The following DNAH11 variants were observed in gnomAD, a reference collection of about 807,000 sequenced individuals.
DNAH11 encodes axonemal beta dynein heavy chain 11.
A neutral mutation model predicts 526.0 loss-of-function variants in DNAH11; 442 were observed. The ratio of observed to expected loss-of-function variants is 0.84; its 90% CI spans 0.78 to 0.91. The LOEUF is 0.91. DNAH11 is among the 40% of genes least tolerant of loss of function. The pLI is 0.00. For synonymous variants in DNAH11, 2,461 were observed against 1,935.9 expected, an observed-to-expected ratio of 1.27 and a Z score of -7.12; for missense variants, 6,989 against 5,448.7, an observed-to-expected ratio of 1.28 and a Z score of -8.90.
Position 21,873,459 on chromosome 7 carries a change from G to C in DNAH11, c.12153G>C (p.Gly4051=), listed in dbSNP as rs1332954066. Residue 4051 remains glycine, a synonymous_variant, in exon 74 of 82, where the codon GGG becomes GGC. Transcript: ENST00000409508. ...SIKITNEPPT[G]MLANLHAALY... is the part of the protein sequence containing the mutation. The stretch of plus-strand genomic sequence containing the variant: ...AGATCACTAATGAACCCCCAACAGG[G>C]ATGCTGGCCAATTTGCATGCCGCCC... 2.5e-6 allele frequency: 4 copies of C among 1,613,970 alleles called. No homozygotes were observed. The highest frequency in any genetic ancestry group is 3.4e-6 in the Non-Finnish European group (4 of 1,179,872).
chr7:21,799,615 C>T (rs973983780), intron 61 of DNAH11, among the ~76,000 whole-genome samples: 1 of 152,208 alleles, frequency 6.6e-6, no homozygotes, highest in African/African-American at 2.4e-5. Flanking sequence ...GGATTACAGG[C>T]ATGACCCACC....
At chr7:21,560,420 G>C (rs945772823) in intron 4 of DNAH11, among the ~76,000 whole-genome samples, 1 of 152,114 alleles carries the variant, frequency 6.6e-6, no homozygotes, top group African/African-American at 2.4e-5. Context: ...AGGAGCAAGG[G>C]AGCCAGTTGT....
At chr7:21,679,948 C>T (rs904852211) in intron 30 of DNAH11, among the ~76,000 whole-genome samples, 1 of 152,094 alleles carries the variant, frequency 6.6e-6, no homozygotes, top group Non-Finnish European at 1.5e-5. Context: ...TATACATATG[C>T]CATGTTGGTG....
intron 34 of DNAH11, among the ~76,000 whole-genome samples, chr7:21,688,940 T>G (rs1399898227): frequency 2.0e-5 from 3 of 152,224 alleles, no homozygotes; most frequent in Non-Finnish European, 4.4e-5. Context: ...TTTTAGAATA[T>G]TTTTCTCAGC....
In DNAH11 at chr7:21,635,886, C is replaced by G; in HGVS notation, c.4516C>G (p.Leu1506Val). The change falls in exon 26 of 82, where the codon CTT (leucine) becomes GTT (valine). Residue 1506 changes from leucine (L) to valine (V), a missense_variant. Coordinates refer to ENST00000409508, the MANE Select transcript of DNAH11 (RefSeq NM_001277115.2). ...TTTATTTTAGGTTCAGTTGCAGACT[C>G]TTCTTCAAAGCAAGTATGTAGAATA... ...LEHNQVQLQT[L>V]LQSKYVEYFI... The G allele has an allele frequency of 1.2e-6, 2 of 1,610,862 alleles. No homozygotes were observed. Among genetic ancestry groups the G allele is most frequent in the Non-Finnish European group, 1.7e-6 (2 of 1,178,424 alleles).
intron 66 of DNAH11, among the ~76,000 whole-genome samples, chr7:21,845,952 T>G (rs1043026918): frequency 7.2e-5 from 11 of 152,320 alleles, no homozygotes; most frequent in East Asian, 1.9e-4. Flanking sequence ...TTCAACATAC[T>G]TTGTGAAATC....
intron 28 of DNAH11, among the ~76,000 whole-genome samples, chr7:21,651,259 G>A (rs1297614706): frequency 6.6e-6 from 1 of 152,182 alleles, no homozygotes; most frequent in Non-Finnish European, 1.5e-5. Flanking sequence ...TCTTTAGGTA[G>A]GTAGGGCAAA....
chr7:21,859,095 CAT>C (rs1217951272), intron 68 of DNAH11, among the ~76,000 whole-genome samples: 1 of 151,970 alleles, frequency 6.6e-6, no homozygotes, highest in African/African-American at 2.4e-5. Flanking sequence ...GTCTATGAAA[CAT>C]ACATGAATTT....
chr7:21,748,264 A>C (rs938917464), intron 51 of DNAH11, among the ~76,000 whole-genome samples: 7 of 152,168 alleles, frequency 4.6e-5, no homozygotes, highest in African/African-American at 1.7e-4. Context: ...CGGGTGGATC[A>C]CTTGAGATCA....
chr7:21,556,932 A>G (rs1334035535), intron 2 of DNAH11, among the ~76,000 whole-genome samples: 2 of 152,026 alleles, frequency 1.3e-5, no homozygotes, highest in East Asian at 1.9e-4. Flanking sequence ...ATGGTGGCAC[A>G]TGCTTGTAAT....
intron 65 of DNAH11, among the ~76,000 whole-genome samples, chr7:21,839,772 T>A (rs1782135438): frequency 1.3e-5 from 2 of 152,202 alleles, no homozygotes; most frequent in African/African-American, 4.8e-5. Flanking sequence ...AAGTGGCTTA[T>A]CTGGCAGAAT....
chr7:21,800,975 CCTT>C (rs1788960715), intron 61 of DNAH11, among the ~76,000 whole-genome samples, 159 bp from the exon 62 acceptor site: 1 of 152,146 alleles, frequency 6.6e-6, no homozygotes, highest in Admixed American at 6.5e-5. Context: ...TTCATTATAT[CCTT>C]CTTTTCCTTC....
At chr7:21,583,756 A>G (rs1215273512) in intron 9 of DNAH11, among the ~76,000 whole-genome samples, 1 of 152,242 alleles carries the variant, frequency 6.6e-6, no homozygotes, top group Non-Finnish European at 1.5e-5. Flanking sequence ...AACCCCATCA[A>G]AAAGTGGGCG....
At chr7:21,587,559 TGGGGGTGGCTG>T (rs1414918988) in intron 9 of DNAH11, among the ~76,000 whole-genome samples, 1 of 152,050 alleles carries the variant, frequency 6.6e-6, no homozygotes, top group East Asian at 1.9e-4. Flanking sequence ...AGGACACTGT[TGGGGGTGGCTG>T]GGTCGTGTGG....
intron 69 of DNAH11, 47 bp downstream of exon 69, chr7:21,862,070 G>A: frequency 7.2e-6 from 11 of 1,529,100 alleles, no homozygotes; most frequent in Non-Finnish European, 9.7e-6. Flanking sequence ...ACCAAAGGCA[G>A]ATGCCTCTGT....
At chr7:21,746,017 T>C (rs1348053666) in intron 51 of DNAH11, among the ~76,000 whole-genome samples, 1 of 152,236 alleles carries the variant, frequency 6.6e-6, no homozygotes, top group Non-Finnish European at 1.5e-5. Flanking sequence ...AGGCAGGAAC[T>C]GGCCTTACCA....
At position 21,867,976 on chromosome 7, in the gene DNAH11, G is replaced by T; in HGVS notation, c.11808G>T (p.Gly3936=). ...ATPIFFILSP[G]VDALKDLEIL... is the part of the protein sequence containing the mutation. ...CCATATTCTTCATCCTGTCTCCGGG[G>T]GTAGATGCCCTTAAAGACCTGGAGA... is the stretch of plus-strand genomic sequence containing the variant. Residue 3936 remains glycine (G), a synonymous_variant, in exon 72 of 82, where the codon GGG becomes GGT. Transcript: ENST00000409508. 6.4e-7 allele frequency: 1 copy of T among 1,559,220 alleles called. No individual in the cohort carries two copies. The highest frequency in any genetic ancestry group is 2.4e-5 in the East Asian group (1 of 42,178).
chr7:21,614,924 G>A (rs573169999), intron 20 of DNAH11, among the ~76,000 whole-genome samples, 190 bp from the exon 21 acceptor site: 1 of 152,168 alleles, frequency 6.6e-6, no homozygotes, highest in Non-Finnish European at 1.5e-5. Context: ...ACAGTAATCT[G>A]TTCTCACTTT....
At chr7:21,798,288 G>C (rs1018262265) in intron 61 of DNAH11, among the ~76,000 whole-genome samples, 23 of 152,258 alleles carry the variant, frequency 1.5e-4, no homozygotes, top group Middle Eastern at 3.4e-3. Flanking sequence ...TAGAGATGGA[G>C]TTTCACCCTG....
Sources: allele counts gnomAD v4.1 joint callset (sites outside exome capture counted in the v4.1 genomes callset), GRCh38; gene constraint gnomAD v4.1.1; transcripts MANE v1.5; gene names NCBI Gene and HGNC (gene_info 2026-07-23, HGNC 2026-07-21).